NUDT9: variants seen among roughly 807,000 people sequenced by gnomAD.
NUDT9 encodes the protein nudix hydrolase 9.
Under a neutral mutation model 41.0 loss-of-function variants are expected in NUDT9, and 31 were observed. That is an observed-to-expected ratio of 0.76 (90% CI 0.57 to 1.02). The LOEUF (loss-of-function observed/expected upper bound fraction) is 1.02, where lower values mean the gene tolerates loss of function less well. NUDT9 is among the 50% of genes least tolerant of loss of function. NUDT9 has a pLI of 0.00. For missense variants in NUDT9, 380 were observed against 431.4 expected, an observed-to-expected ratio of 0.88 and a Z score of 1.06; for synonymous variants, 146 against 147.6, an observed-to-expected ratio of 0.99 and a Z score of 0.08.
chr4:87,455,105 A>G (rs956354321), intron 7 of NUDT9, among the ~76,000 whole-genome samples: 4 of 152,244 alleles, frequency 2.6e-5, no homozygotes, highest in African/African-American at 9.6e-5. Context: ...GTAGCATAAA[A>G]GTGGGGGCAC....
chr4:87,432,476 CT>C (rs927127397), intron 1 of NUDT9, among the ~76,000 whole-genome samples: 2 of 151,210 alleles, frequency 1.3e-5, no homozygotes, highest in Non-Finnish European at 3.0e-5. Context: ...ATACCTTTTC[CT>C]TTTTTTTTCT....
intron 1 of NUDT9, among the ~76,000 whole-genome samples, chr4:87,433,865 A>G (rs982213145): frequency 6.6e-6 from 1 of 152,160 alleles, no homozygotes; most frequent in Non-Finnish European, 1.5e-5. Flanking sequence ...TACAATTTGT[A>G]TATTTACCAC....
At chr4:87,435,437 A>C (rs1255681147) in intron 2 of NUDT9, among the ~76,000 whole-genome samples, 3 of 152,196 alleles carry the variant, frequency 2.0e-5, no homozygotes, top group Non-Finnish European at 2.9e-5. Flanking sequence ...CAAATAGTTA[A>C]ATCTGTTTTG....
At chr4:87,438,791 A>G (rs72652086) in intron 3 of NUDT9, among the ~76,000 whole-genome samples, 6,490 of 152,330 alleles carry the variant, frequency 0.043, 215 homozygotes, top group Non-Finnish European at 0.068. Context: ...TTTTTAAAAA[A>G]TGATTTTCCT....
Position 87,452,480 on chromosome 4 carries a change from G to C in NUDT9, c.789+745G>C, listed in dbSNP as rs1722774689. Among the ~76,000 whole-genome samples, 3 of 152,044 alleles carry C rather than the reference G, an allele frequency of 2.0e-5. No homozygotes were observed. In the South Asian group the frequency reaches 6.2e-4, roughly 32 times the overall value. The stretch of plus-strand genomic sequence containing the variant: ...TTGTCCATATACCCTCTGTGATAGG[G>C]TCTTGCTCTGTTGTTCAGGCTGGAG... On this transcript the variant is annotated intron_variant, in intron 6 of 7. Coordinates refer to ENST00000302174, the MANE Select transcript of NUDT9 (RefSeq NM_024047.5).
intron 1 of NUDT9, among the ~76,000 whole-genome samples, chr4:87,424,254 GTTTTTTTTTTT>G (rs147874067): frequency 2.0e-5 from 2 of 99,184 alleles, no homozygotes; most frequent in African/African-American, 4.3e-5. Context: ...TCCCTAATGC[GTTTTTTTTTTT>G]TTTTTTTTTT....
At chr4:87,438,577 A>G (rs1027537013) in intron 3 of NUDT9, among the ~76,000 whole-genome samples, 4 of 132,730 alleles carry the variant, frequency 3.0e-5, no homozygotes, top group Admixed American at 2.3e-4. Flanking sequence ...AGCAATTTGT[A>G]TACAGCTAGT....
chr4:87,440,035 TTC>T (rs1560793110), intron 3 of NUDT9, among the ~76,000 whole-genome samples: 1 of 152,208 alleles, frequency 6.6e-6, no homozygotes, highest in Non-Finnish European at 1.5e-5. Context: ...TCATAACTTA[TTC>T]ACCTTTCTAT....
chr4:87,441,765 A>G (rs1462404772), intron 3 of NUDT9, 64 bp from the exon 4 acceptor site: 4 of 1,273,380 alleles, frequency 3.1e-6, no homozygotes, highest in Admixed American at 1.9e-5. Context: ...CTTTTGGGTT[A>G]TATCAAATCA....
At chr4:87,431,379 A>C (rs1267616848) in intron 1 of NUDT9, among the ~76,000 whole-genome samples, 1 of 152,064 alleles carries the variant, frequency 6.6e-6, no homozygotes, top group Admixed American at 6.5e-5. Flanking sequence ...CCCTTTCAAG[A>C]TTGTCTTGGC....
chr4:87,429,938 G>GC (rs1031107167), intron 1 of NUDT9, among the ~76,000 whole-genome samples: 1 of 151,986 alleles, frequency 6.6e-6, no homozygotes, highest in African/African-American at 2.4e-5. Flanking sequence ...CAGAATAATG[G>GC]CCCCCCAAGT....
intron 1 of NUDT9, among the ~76,000 whole-genome samples, chr4:87,423,535 C>T (rs989527105): frequency 6.6e-6 from 1 of 152,106 alleles, no homozygotes; most frequent in Non-Finnish European, 1.5e-5. Context: ...TTCTTCCCTT[C>T]TCCAGTTTTT....
chr4:87,427,228 T>C (rs958758879), intron 1 of NUDT9, among the ~76,000 whole-genome samples: 2 of 152,060 alleles, frequency 1.3e-5, no homozygotes, highest in Non-Finnish European at 1.5e-5. Context: ...TAGCAATCAC[T>C]ATATACATTT....
At chr4:87,437,268 A>AAG (rs70957245) in intron 2 of NUDT9, among the ~76,000 whole-genome samples, 3 of 130,992 alleles carry the variant, frequency 2.3e-5, no homozygotes, top group Non-Finnish European at 5.1e-5. Flanking sequence ...AAAAAAAAAA[A>AAG]GAAAGAAAGA....
rs1477939948 is a variant in NUDT9, at chr4:87,449,520, G to A, written c.642+267G>A. ...TTAGATGTAGGTCTGTGTTCTGGCC[G>A]TTCTACTTGCAGCTGGGTGATTGGG... On this transcript the variant is annotated intron_variant, in intron 5 of 7. Transcript: ENST00000302174. Among the ~76,000 whole-genome samples, 6 of 152,198 alleles carry A rather than the reference G, an allele frequency of 3.9e-5. No homozygotes were observed. The East Asian group carries it at 9.7e-4, about 25-fold the overall frequency.
chr4:87,448,633 A>G lies in NUDT9; in HGVS notation c.531-509A>G, dbSNP rs146645582. 3.9e-3 allele frequency among the ~76,000 whole-genome samples: 592 copies of G among 152,120 alleles called. 1 individual carries two copies. Among genetic ancestry groups the G allele is most frequent in the African/African-American group, 0.013 (559 of 41,498 alleles). On this transcript the variant is annotated intron_variant, in intron 4 of 7. Transcript: ENST00000302174. ...GTAGCTAGGACTATAGGTGCATGCC[A>G]CTGCACCCAGCTAATTTTTTATTTT...
intron 1 of NUDT9, among the ~76,000 whole-genome samples, chr4:87,425,668 A>G (rs1169762167): frequency 3.4e-5 from 5 of 148,732 alleles, no homozygotes; most frequent in African/African-American, 1.2e-4. Context: ...GTGCTGGTGA[A>G]TACAGGTGTG....
intron 6 of NUDT9, among the ~76,000 whole-genome samples, chr4:87,452,006 C>T (rs1722736300): frequency 1.3e-5 from 2 of 151,268 alleles, no homozygotes; most frequent in Admixed American, 1.3e-4. Context: ...CTTAGTTTTT[C>T]TTTCTTTTTT....
chr4:87,456,195 A>G (rs1209080365), intron 7 of NUDT9, among the ~76,000 whole-genome samples: 1 of 152,152 alleles, frequency 6.6e-6, no homozygotes, highest in Non-Finnish European at 1.5e-5. Flanking sequence ...TTTATTAAAC[A>G]GGAGTCCTAT....
Sources: allele counts gnomAD v4.1 joint callset (sites outside exome capture counted in the v4.1 genomes callset), GRCh38; gene constraint gnomAD v4.1.1; transcripts MANE v1.5; gene names NCBI Gene and HGNC (gene_info 2026-07-23, HGNC 2026-07-21).